The following PATE4 variants were observed in gnomAD, a reference collection of about 807,000 sequenced individuals.
PATE4 encodes prostate and testis expressed protein 4.
PATE4 carries 13 observed loss-of-function variants against 8.5 expected under a neutral mutation model. The ratio of observed to expected loss-of-function variants is 1.53; its 90% CI spans 1.00 to 2.43. The LOEUF is 2.43. Ranked by LOEUF, PATE4 falls within the 30% of genes most tolerant of loss-of-function variation. The pLI, the probability that PATE4 is intolerant of heterozygous loss-of-function variation, is 0.00. For missense variants in PATE4, 127 were observed against 115.5 expected (o/e 1.10, Z -0.46); for synonymous variants, 47 against 39.3 (o/e 1.20, Z -0.73).
At position 125,838,789 on chromosome 11, in the gene PATE4, G is replaced by A. The variant is rs1943939318; in HGVS notation, c.*362G>A. 1 of 186,848 alleles carries A rather than the reference G, an allele frequency of 5.4e-6. No homozygotes were observed. Among genetic ancestry groups the A allele is most frequent in the Non-Finnish European group, 1.1e-5 (1 of 91,716 alleles). The allele number at this position is 186,848 out of a possible 1,614,324, so 11.6% of individuals were successfully genotyped here. On this transcript the variant is annotated 3_prime_UTR_variant, in exon 3 of 3. Coordinates refer to ENST00000457514, the MANE Select transcript of PATE4 (RefSeq NM_001144874.1). ...ATGGCAAAAGGGACTTTGAAAATGT[G>A]ATTAAGGATCTTGAGAAGGGGAGGT... is the stretch of plus-strand genomic sequence containing the variant.
rs1943936379 is a variant in PATE4 at position 125,838,399 on chromosome 11, GT to G, written c.270del (p.Cys90TrpfsTer13). ...KRGLLRVTLC[C>X]DRNFCNVF Reference sequence around the variant, plus strand: ...GGCCTGTTGAGAGTGACACTGTGCTGTGACAGAAACTTCTGTAATGTCTTCT... The same window carrying G: ...GGCCTGTTGAGAGTGACACTGTGCTGGACAGAAACTTCTGTAATGTCTTCT... On this transcript the variant is annotated frameshift_variant, in exon 3 of 3. Coordinates refer to ENST00000457514, the MANE Select transcript of PATE4 (RefSeq NM_001144874.1). LOFTEE classifies it high-confidence loss of function. The G allele has an allele frequency of 6.5e-7, 1 of 1,550,330 alleles. No homozygotes were observed. Among genetic ancestry groups the G allele is most frequent in the Admixed American group, 2.0e-5 (1 of 50,472 alleles).
At chr11:125,835,064 A>G (rs1013357800) in intron 1 of PATE4, 9 of 152,194 alleles carry the variant, frequency 5.9e-5, no homozygotes, top group Non-Finnish European at 1.0e-4. Context: ...TTCTTTTTCT[A>G]TTACTTACTA....
chr11:125,838,253 T>C (rs1473639958), intron 2 of PATE4, 53 bp from the exon 3 acceptor site: 1 of 1,479,786 alleles, frequency 6.8e-7, no homozygotes, highest in Non-Finnish European at 8.9e-7. Flanking sequence ...TTTTAGTAAG[T>C]CACTAGTAAG....
At chr11:125,833,563 T>G (rs1485702610) in intron 1 of PATE4, 146 bp downstream of exon 1, 4 of 685,182 alleles carry the variant, frequency 5.8e-6, no homozygotes, top group Non-Finnish European at 9.6e-6. Flanking sequence ...AGATCATATA[T>G]AACACACTAA....
chr11:125,837,886 A>T lies in PATE4; in HGVS notation c.77A>T (p.Asn26Ile). ...CCTGCAGTTATGGGTCTGAAGTGTA[A>T]TACCTGCATATACACAGAAGGATGG... ...YLKEVMGLKC[N>I]TCIYTEGWKC... Residue 26 changes from asparagine (N) to isoleucine (I), a missense_variant, in exon 2 of 3, where the codon AAT becomes ATT. Physicochemically the swap from Asn to Ile is moderately radical, Grantham distance 149 (BLOSUM62 -3). Transcript: ENST00000457514. The T allele has an allele frequency of 1.9e-6, 3 of 1,551,264 alleles. No individual in the cohort carries two copies. The highest frequency in any genetic ancestry group is 2.6e-6 in the Non-Finnish European group (3 of 1,146,644).
chr11:125,837,303 GA>G (rs766354509), intron 1 of PATE4, among the ~76,000 whole-genome samples: 7 of 152,094 alleles, frequency 4.6e-5, no homozygotes, highest in Non-Finnish European at 8.8e-5. Context: ...GTTATTCCCT[GA>G]AAAAAGAGAA....
Position 125,837,963 on chromosome 11 carries a change from T to C in PATE4, c.154T>C (p.Ser52Pro). ...TCIAKENELC[S>P]TTAYFRGDKH... ...CATTGCAAAAGAAAATGAGTTATGT[T>C]CAACAACAGCCTATTTCAGGGGTAA... The change falls in exon 2 of 3, where the codon TCA becomes CCA. Residue 52 changes from serine to proline, a missense_variant. Coordinates refer to ENST00000457514, the MANE Select transcript of PATE4 (RefSeq NM_001144874.1). 1.3e-6 allele frequency: 2 copies of C among 1,551,554 alleles called. No individual in the cohort carries two copies. The highest frequency in any genetic ancestry group is 1.7e-6 in the Non-Finnish European group (2 of 1,146,880).
chr11:125,836,130 T>TC (rs1304406930), intron 1 of PATE4, among the ~76,000 whole-genome samples: 1 of 151,516 alleles, frequency 6.6e-6, no homozygotes, highest in Non-Finnish European at 1.5e-5. Flanking sequence ...AGACTTTTTT[T>TC]TTTTTTTTTC....
rs1239169256 is a variant in PATE4 at position 125,838,996 on chromosome 11, A to T, written c.*569A>T. ...AAGCTAAAACTAGGAGGCCACTAGA[A>T]GCTGAAAAAGTCAAGGAAATAGGTT... is the stretch of plus-strand genomic sequence containing the variant. On this transcript the variant is annotated 3_prime_UTR_variant, in exon 3 of 3. Coordinates refer to ENST00000457514, the MANE Select transcript of PATE4 (RefSeq NM_001144874.1). The T allele has an allele frequency of 6.6e-6, 1 of 152,290 alleles. No individual in the cohort carries two copies. Among genetic ancestry groups the T allele is most frequent in the Non-Finnish European group, 1.5e-5 (1 of 68,108 alleles). The allele number at this position is 152,290 out of a possible 1,614,324, so 9.4% of individuals were successfully genotyped here.
Position 125,838,633 on chromosome 11 carries a change from A to T in PATE4, c.*206A>T. The T allele has an allele frequency of 6.0e-6, 3 of 503,494 alleles. No individual in the cohort carries two copies. Among genetic ancestry groups the T allele is most frequent in the Non-Finnish European group, 1.0e-5 (3 of 293,600 alleles). 31.2% of individuals were successfully genotyped at this position (503,494 alleles called of 1,614,324 possible). On this transcript the variant is annotated 3_prime_UTR_variant, in exon 3 of 3. Transcript: ENST00000457514. ...CTAAAATCATGAGCATTGAAACAAAATCCTCCATGAGCTATGCTTATTCTT... is the reference window on the plus strand; with the variant it reads ...CTAAAATCATGAGCATTGAAACAAATTCCTCCATGAGCTATGCTTATTCTT...
In PATE4 at chr11:125,837,976, A is replaced by C; in HGVS notation, c.167A>C (p.Tyr56Ser). 3 of 1,551,142 alleles carry C rather than the reference A, an allele frequency of 1.9e-6. No homozygotes were observed. Among genetic ancestry groups the C allele is most frequent in the Non-Finnish European group, 2.6e-6 (3 of 1,146,530 alleles). Residue 56 changes from tyrosine to serine, a missense_variant, in exon 2 of 3, where the codon TAT becomes TCT. Physicochemically the swap from Tyr to Ser is moderately radical, Grantham distance 144. Transcript: ENST00000457514. ...KENELCSTTA[Y>S]FRGDKHMYST... Reference sequence around the variant, plus strand: ...AATGAGTTATGTTCAACAACAGCCTATTTCAGGGGTAAGTGGGGCTCATGA... The same window carrying C: ...AATGAGTTATGTTCAACAACAGCCTCTTTCAGGGGTAAGTGGGGCTCATGA...
intron 2 of PATE4, 40 bp downstream of exon 2, chr11:125,838,024 G>T: frequency 7.0e-7 from 1 of 1,419,012 alleles, no homozygotes; most frequent in Non-Finnish European, 9.7e-7. Flanking sequence ...TGCCTGCAAA[G>T]AACCATCACT....
At chr11:125,835,744 C>T (rs1348931033) in intron 1 of PATE4, 1 of 152,154 alleles carries the variant, frequency 6.6e-6, no homozygotes, top group Non-Finnish European at 1.5e-5. Context: ...CTACCATAGA[C>T]AAAAGATGAC....
At chr11:125,838,243 T>C in intron 2 of PATE4, 63 bp from the exon 3 acceptor site, 3 of 1,461,632 alleles carry the variant, frequency 2.1e-6, no homozygotes, top group South Asian at 1.4e-5. Flanking sequence ...TGGTGGTGAG[T>C]TTTAGTAAGT....
chr11:125,833,553 A>G (rs916543965), intron 1 of PATE4, 136 bp downstream of exon 1: 8 of 760,952 alleles, frequency 1.1e-5, no homozygotes, highest in Non-Finnish European at 1.5e-5. Flanking sequence ...GATGTCAGAG[A>G]GATCATATAT....
intron 2 of PATE4, 106 bp from the exon 3 acceptor site, chr11:125,838,200 G>A: frequency 7.7e-7 from 1 of 1,292,294 alleles, no homozygotes; most frequent in African/African-American, 1.5e-5. Flanking sequence ...CCAGGAGCCG[G>A]GAAGGAGACC....
At chr11:125,836,031 T>TTTA (rs1346891654) in intron 1 of PATE4, 1 of 152,164 alleles carries the variant, frequency 6.6e-6, no homozygotes, top group Non-Finnish European at 1.5e-5. Context: ...AAACGTGGGC[T>TTTA]TTTAATAGAG....
rs1232014317 is a variant in PATE4, at chr11:125,837,991, G to T, written c.175+7G>T. On this transcript the variant is annotated splice_region_variant and intron_variant, in intron 2 of 2. Transcript: ENST00000457514. ...ACAACAGCCTATTTCAGGGGTAAGT[G>T]GGGCTCATGAAGACTCCAAAATTGC... The T allele has an allele frequency of 1.3e-6, 2 of 1,547,324 alleles. No homozygotes were observed. The highest frequency in any genetic ancestry group is 1.7e-6 in the Non-Finnish European group (2 of 1,143,118).
rs2134201872 is a variant in PATE4, at chr11:125,838,633, A to G, written c.*206A>G. 2.0e-6 allele frequency: 1 copy of G among 503,494 alleles called. No homozygotes were observed. The highest frequency in any genetic ancestry group is 4.2e-5 in the South Asian group (1 of 23,862). The allele number at this position is 503,494 out of a possible 1,614,324, so 31.2% of individuals were successfully genotyped here. On this transcript the variant is annotated 3_prime_UTR_variant, in exon 3 of 3. Coordinates refer to ENST00000457514, the MANE Select transcript of PATE4 (RefSeq NM_001144874.1). ...CTAAAATCATGAGCATTGAAACAAAATCCTCCATGAGCTATGCTTATTCTT... is the reference window on the plus strand; with the variant it reads ...CTAAAATCATGAGCATTGAAACAAAGTCCTCCATGAGCTATGCTTATTCTT...
Sources: allele counts gnomAD v4.1 joint callset (sites outside exome capture counted in the v4.1 genomes callset), GRCh38; gene constraint gnomAD v4.1.1; transcripts MANE v1.5; gene names NCBI Gene and HGNC (gene_info 2026-07-23, HGNC 2026-07-21).